Variants in ATXN7L1 observed in about 807,000 individuals in gnomAD.
ATXN7L1 encodes the protein ataxin 7 like 1, also known as ataxin-7-like protein 1.
In ATXN7L1, 15 loss-of-function variants were observed where a neutral mutation model predicts 70.8. The ratio of observed to expected loss-of-function variants is 0.21; its 90% CI spans 0.14 to 0.33. ATXN7L1 has a LOEUF of 0.33. Among genes scored for constraint, ATXN7L1 ranks in the 10% least tolerant of loss-of-function variants. The pLI is 1.00. For missense variants in ATXN7L1, 975 were observed against 1,097.1 expected (o/e 0.89, Z 1.57); for synonymous variants, 440 against 445.1 (o/e 0.99, Z 0.14).
At chr7:105,636,371 G>A (rs1211965909) in intron 7 of ATXN7L1, among the ~76,000 whole-genome samples, 2 of 151,098 alleles carry the variant, frequency 1.3e-5, no homozygotes, top group South Asian at 2.1e-4. Flanking sequence ...CTCCAGCCTG[G>A]GCCACGGAAT....
At chr7:105,854,095 T>C (rs1363636409) in intron 2 of ATXN7L1, among the ~76,000 whole-genome samples, 2 of 152,186 alleles carry the variant, frequency 1.3e-5, no homozygotes, top group African/African-American at 4.8e-5. Flanking sequence ...GCAGGCAGTT[T>C]TCCCTATAAG....
intron 3 of ATXN7L1, among the ~76,000 whole-genome samples, chr7:105,755,762 C>T (rs1039018852): frequency 2.3e-4 from 35 of 152,274 alleles, no homozygotes; most frequent in African/African-American, 7.0e-4. Context: ...CTGTTGGTTA[C>T]GTGAACCCTG....
At chr7:105,613,790 G>A (rs778724807) in intron 10 of ATXN7L1, 72 bp downstream of exon 10, 2 of 1,549,940 alleles carry the variant, frequency 1.3e-6, no homozygotes, top group Admixed American at 2.0e-5. Context: ...GAGCCGCCCG[G>A]CTAAGCAGGG....
At chr7:105,733,198 C>T (rs1796769311) in intron 3 of ATXN7L1, among the ~76,000 whole-genome samples, 1 of 152,150 alleles carries the variant, frequency 6.6e-6, no homozygotes, top group Admixed American at 6.5e-5. Context: ...AGATAGTTGG[C>T]ACTCAAAAAT....
chr7:105,776,214 C>G (rs2116452043), intron 3 of ATXN7L1, among the ~76,000 whole-genome samples: 1 of 152,266 alleles, frequency 6.6e-6, no homozygotes, highest in South Asian at 2.1e-4. Context: ...GAGTCAGAAG[C>G]CAGGGGTCAC....
chr7:105,627,491 C>T (rs2115830675), intron 7 of ATXN7L1, among the ~76,000 whole-genome samples: 1 of 151,074 alleles, frequency 6.6e-6, no homozygotes, highest in East Asian at 1.9e-4. Flanking sequence ...CTTGCTCGGC[C>T]TCCCAAACTG....
At position 105,665,176 on chromosome 7, in the gene ATXN7L1, G is replaced by A; in HGVS notation, c.468C>T (p.His156=). Residue 156 remains histidine (H), a synonymous_variant, in exon 4 of 12, where the codon CAC becomes CAT. Transcript: ENST00000419735. ...ATGGCTTTGAGGTGCTGCTGGCAGA[G>A]TGATGGCCGCTGAGACAGGCTTTTG... ...VKTKACLSGH[H]SASSTSKPFK... The A allele has an allele frequency of 6.4e-7, 1 of 1,551,750 alleles. No individual in the cohort carries two copies. The highest frequency in any genetic ancestry group is 8.7e-7 in the Non-Finnish European group (1 of 1,147,000).
chr7:105,694,140 C>T lies in ATXN7L1; in HGVS notation c.356-28852G>A, dbSNP rs573480031. 9.2e-5 allele frequency among the ~76,000 whole-genome samples: 14 copies of T among 152,050 alleles called. No individual in the cohort carries two copies. In the South Asian group the frequency reaches 2.7e-3, roughly 29 times the overall value. On this transcript the variant is annotated intron_variant, in intron 3 of 11. Coordinates refer to ENST00000419735, the MANE Select transcript of ATXN7L1 (RefSeq NM_020725.2). ...TTGGCTCACTGCAACCTCCGCCTCC[C>T]GGGTTCAAGCAATTCTCCTGCCTCA...
intron 2 of ATXN7L1, among the ~76,000 whole-genome samples, chr7:105,823,853 G>A (rs1425825301): frequency 2.6e-5 from 4 of 152,174 alleles, no homozygotes; most frequent in African/African-American, 7.2e-5. Flanking sequence ...ATATCCGCCT[G>A]GGATATAACC....
chr7:105,815,583 G>A (rs774867285), intron 2 of ATXN7L1, among the ~76,000 whole-genome samples: 6 of 152,164 alleles, frequency 3.9e-5, no homozygotes, highest in Non-Finnish European at 8.8e-5. Flanking sequence ...TCAGACTGAG[G>A]GAAGGACAAA....
At chr7:105,798,857 A>T (rs1806382654) in intron 2 of ATXN7L1, among the ~76,000 whole-genome samples, 4 of 152,244 alleles carry the variant, frequency 2.6e-5, no homozygotes, top group South Asian at 2.1e-4. Context: ...TAGGAATCCC[A>T]GGCAAAGAAA....
At chr7:105,743,300 A>G (rs761484444) in intron 3 of ATXN7L1, among the ~76,000 whole-genome samples, 15 of 152,168 alleles carry the variant, frequency 9.9e-5, no homozygotes, top group Non-Finnish European at 1.8e-4. Context: ...TACTCAGCAC[A>G]TTGCTCCTAT....
intron 3 of ATXN7L1, among the ~76,000 whole-genome samples, chr7:105,735,384 A>C (rs1305707804): frequency 6.6e-6 from 1 of 152,166 alleles, no homozygotes; most frequent in African/African-American, 2.4e-5. Flanking sequence ...CATCCCTATT[A>C]ACATGTTGTC....
chr7:105,621,000 C>T (rs1333284749), intron 8 of ATXN7L1, among the ~76,000 whole-genome samples: 2 of 152,126 alleles, frequency 1.3e-5, no homozygotes, highest in African/African-American at 4.8e-5. Flanking sequence ...TGGTGGTTCC[C>T]TGCTTCTCAT....
chr7:105,868,097 G>A (rs113482448), intron 2 of ATXN7L1, among the ~76,000 whole-genome samples: 4 of 148,174 alleles, frequency 2.7e-5, no homozygotes, highest in East Asian at 2.0e-4. Context: ...TATCCCTGTC[G>A]TTTCCTCTAA....
At chr7:105,871,126 CCTGCTATAA>C (rs1471054712) in intron 2 of ATXN7L1, among the ~76,000 whole-genome samples, 1 of 139,276 alleles carries the variant, frequency 7.2e-6, no homozygotes, top group Non-Finnish European at 1.5e-5. Flanking sequence ...AAACAGTTTG[CCTGCTATAA>C]CTGCATCTCA....
intron 2 of ATXN7L1, among the ~76,000 whole-genome samples, chr7:105,869,838 C>T (rs1344686307): frequency 2.6e-5 from 4 of 151,918 alleles, no homozygotes; most frequent in African/African-American, 4.8e-5. Context: ...AACAACTTAT[C>T]GATCATTGAA....
intron 7 of ATXN7L1, among the ~76,000 whole-genome samples, chr7:105,636,455 C>CG (rs397965171): frequency 6.7e-6 from 1 of 149,256 alleles, no homozygotes; most frequent in Admixed American, 6.7e-5. Context: ...CTGCCCCCCC[C>CG]ACCCCCACTT....
At chr7:105,657,012 G>C (rs1015032105) in intron 4 of ATXN7L1, among the ~76,000 whole-genome samples, 3 of 152,194 alleles carry the variant, frequency 2.0e-5, no homozygotes, top group Admixed American at 6.5e-5. Context: ...TGCTGTACAT[G>C]TGAATTTGAG....
Sources: gnomAD v4.1 joint callset for allele counts (sites outside exome capture counted in the v4.1 genomes callset) on GRCh38, gnomAD v4.1.1 for gene constraint, MANE v1.5 for transcripts, NCBI Gene and HGNC (gene_info 2026-07-23, HGNC 2026-07-21) for gene names.